The following SGK1 variants were observed in gnomAD, a reference collection of about 807,000 sequenced individuals.
SGK1 encodes serum/glucocorticoid regulated kinase 1, also known as serine/threonine-protein kinase Sgk1.
In SGK1, 26 loss-of-function variants were observed where a neutral mutation model predicts 64.2. The ratio of observed to expected loss-of-function variants is 0.40; its 90% CI spans 0.30 to 0.56. The LOEUF (loss-of-function observed/expected upper bound fraction) is 0.56, where lower values mean the gene tolerates loss of function less well. Ranked by LOEUF, SGK1 falls within the 20% of genes least tolerant of loss-of-function variation. SGK1 has a pLI of 0.38. For missense variants in SGK1, 519 were observed against 645.6 expected, an observed-to-expected ratio of 0.80 and a Z score of 2.12; for synonymous variants, 265 against 239.7, an observed-to-expected ratio of 1.11 and a Z score of -0.98.
intron 2 of SGK1, among the ~76,000 whole-genome samples, chr6:134,216,513 T>C (rs530291744): frequency 6.6e-6 from 1 of 152,192 alleles, no homozygotes; most frequent in African/African-American, 2.4e-5. Flanking sequence ...GATAAAAGAG[T>C]CTTCTTCCAT....
chr6:134,174,825 A>T, intron 3 of SGK1: 4 of 1,613,874 alleles, frequency 2.5e-6, no homozygotes, highest in Non-Finnish European at 3.4e-6. Flanking sequence ...GCGGGGAGAC[A>T]GAAAGACGTT....
chr6:134,290,711 C>T (rs1353345759), intron 1 of SGK1, among the ~76,000 whole-genome samples: 2 of 152,134 alleles, frequency 1.3e-5, no homozygotes, highest in African/African-American at 4.8e-5. Flanking sequence ...AGGAGGCCTG[C>T]GAAGTCCTAG....
chr6:134,174,859 T>G lies in SGK1; in HGVS notation c.362-273A>C, dbSNP rs763824298. 1.9e-6 allele frequency: 3 copies of G among 1,611,882 alleles called. No individual in the cohort carries two copies. The Middle Eastern group carries it at 5.8e-4, about 314-fold the overall frequency. ...TTAGCGCTCAAAGACCGGCTCGGCGTATGCTGCGCCAGGCCGCGCGCTCGG... is the reference window on the plus strand; with the variant it reads ...TTAGCGCTCAAAGACCGGCTCGGCGGATGCTGCGCCAGGCCGCGCGCTCGG... On this transcript the variant is annotated intron_variant, in intron 3 of 13. Coordinates refer to ENST00000367858, the MANE Select transcript of SGK1 (RefSeq NM_001143676.3).
At chr6:134,175,886 A>G in intron 3 of SGK1, 1 of 1,153,752 alleles carries the variant, frequency 8.7e-7, no homozygotes, top group East Asian at 4.3e-5. Context: ...AAGAGGAGGA[A>G]GGAAGGAAAG....
intron 2 of SGK1, among the ~76,000 whole-genome samples, chr6:134,253,947 C>T (rs1042069228): frequency 6.6e-6 from 1 of 152,012 alleles, no homozygotes; most frequent in Admixed American, 6.6e-5. Context: ...AGACGGACAG[C>T]GGACTCTGAG....
intron 1 of SGK1, among the ~76,000 whole-genome samples, chr6:134,299,269 G>T (rs1562278414): frequency 6.6e-6 from 1 of 151,944 alleles, no homozygotes; most frequent in African/African-American, 2.4e-5. Context: ...GGAGGCTGAG[G>T]TGCAAGGATC....
At chr6:134,235,534 TAG>T (rs1776347708) in intron 2 of SGK1, among the ~76,000 whole-genome samples, 4 of 29,030 alleles carry the variant, frequency 1.4e-4, no homozygotes, top group South Asian at 5.6e-3. Context: ...GTGGAAAAAA[TAG>T]ATATTTTTAT....
intron 1 of SGK1, among the ~76,000 whole-genome samples, chr6:134,270,756 C>G (rs139758115): frequency 4.7e-5 from 7 of 148,152 alleles, no homozygotes; most frequent in Non-Finnish European, 7.5e-5. Flanking sequence ...AAAACGGAGA[C>G]GCAATGCGTC....
intron 3 of SGK1, among the ~76,000 whole-genome samples, chr6:134,201,710 C>T (rs1262438513): frequency 2.6e-5 from 4 of 152,108 alleles, no homozygotes; most frequent in African/African-American, 4.8e-5. Flanking sequence ...GTAAAAGTTA[C>T]AGTAATAAAA....
chr6:134,199,089 A>G (rs1044116688), intron 3 of SGK1, among the ~76,000 whole-genome samples: 5 of 152,232 alleles, frequency 3.3e-5, no homozygotes, highest in Admixed American at 3.3e-4. Context: ...ATGAGAAAAC[A>G]TATAGGAGCT....
At position 134,206,337 on chromosome 6, in the gene SGK1, TGATATATATATATATATATATATATA is replaced by T. The variant is rs1562250129; in HGVS notation, c.361+993_361+1018del. On this transcript the variant is annotated intron_variant, in intron 3 of 13. Transcript: ENST00000367858. ...TCACAATCCACAAAGCTGTACCTGA[TGATATATATATATATATATATATATA>T]TATATATATATATATATATATTTTT... Among the ~76,000 whole-genome samples the T allele has an allele frequency of 6.6e-4, 74 of 111,454 alleles. 10 individuals are homozygous for T. Among genetic ancestry groups the T allele is most frequent in the African/African-American group, 1.2e-3 (32 of 26,892 alleles). The allele number at this position is 111,454 out of a possible 152,430, so 73.1% of individuals were successfully genotyped here.
At chr6:134,232,473 A>AAGAAAGAAAGAAAG (rs1562259828) in intron 2 of SGK1, among the ~76,000 whole-genome samples, 324 of 95,968 alleles carry the variant, frequency 3.4e-3, no homozygotes, top group Middle Eastern at 5.1e-3. Context: ...GAAAGAAAGA[A>AAGAAAGAAAGAAAG]AGAAAGAAAG....
chr6:134,172,641 C>T (rs1775067291), intron 9 of SGK1, 21 bp downstream of exon 9: 1 of 1,481,422 alleles, frequency 6.8e-7, no homozygotes, highest in Non-Finnish European at 9.4e-7. Context: ...AACTGGTAGC[C>T]TGAAGAGCTC....
intron 1 of SGK1, among the ~76,000 whole-genome samples, chr6:134,301,569 T>C (rs1410205406): frequency 4.7e-5 from 7 of 150,506 alleles, no homozygotes. Context: ...TTCTCTTCTC[T>C]TCTCTTCTCT....
chr6:134,239,426 G>A lies in SGK1; in HGVS notation c.285+22507C>T, dbSNP rs115527458. Among the ~76,000 whole-genome samples, 668 of 152,266 alleles carry A rather than the reference G, an allele frequency of 4.4e-3. 10 individuals carry two copies. The highest frequency in any genetic ancestry group is 0.015 in the African/African-American group (629 of 41,568). ...GAAATAAATCCCTTTTTGAAAGGGC[G>A]TCAGCAAATTCTGCTACCTCTGTCT... On this transcript the variant is annotated intron_variant, in intron 2 of 13. Coordinates refer to ENST00000367858, the MANE Select transcript of SGK1 (RefSeq NM_001143676.3).
chr6:134,306,443 C>G (rs1296129151), intron 1 of SGK1, among the ~76,000 whole-genome samples: 4 of 151,950 alleles, frequency 2.6e-5, no homozygotes, highest in African/African-American at 9.7e-5. Context: ...AAAAAACACA[C>G]AAGGAGCTAT....
At chr6:134,194,635 C>T (rs1304441567) in intron 3 of SGK1, among the ~76,000 whole-genome samples, 1 of 151,704 alleles carries the variant, frequency 6.6e-6, no homozygotes, top group Non-Finnish European at 1.5e-5. Context: ...GATTCTCCTG[C>T]CTCAGTCTCC....
At chr6:134,265,464 AAAAC>A (rs948811152) in intron 1 of SGK1, among the ~76,000 whole-genome samples, 49 of 150,608 alleles carry the variant, frequency 3.3e-4, no homozygotes, top group South Asian at 1.3e-3. Flanking sequence ...TCTGTCTCAA[AAAAC>A]AAACAAACAA....
At chr6:134,191,661 TTTTTTG>T (rs879305493) in intron 3 of SGK1, among the ~76,000 whole-genome samples, 9 of 151,762 alleles carry the variant, frequency 5.9e-5, no homozygotes, top group South Asian at 2.1e-4. Context: ...GGTGTTTTGT[TTTTTTG>T]TTTTTGTTTT....
Sources: gnomAD v4.1 joint callset for allele counts (sites outside exome capture counted in the v4.1 genomes callset) on GRCh38, gnomAD v4.1.1 for gene constraint, MANE v1.5 for transcripts, NCBI Gene and HGNC (gene_info 2026-07-23, HGNC 2026-07-21) for gene names.